The following CEP112 variants were observed in gnomAD, a reference collection of about 807,000 sequenced individuals.
The protein encoded by CEP112 is centrosomal protein 112.
A neutral mutation model predicts 153.0 loss-of-function variants in CEP112; 127 were observed. The observed-to-expected ratio is 0.83, with a 90% confidence interval of 0.72 to 0.96. The LOEUF (loss-of-function observed/expected upper bound fraction) is 0.96, where lower values mean the gene tolerates loss of function less well. CEP112 is among the 40% of genes least tolerant of loss of function. The pLI is 0.00. For synonymous variants in CEP112, 358 were observed against 374.4 expected, an observed-to-expected ratio of 0.96 and a Z score of 0.51; for missense variants, 1,089 against 1,101.2, an observed-to-expected ratio of 0.99 and a Z score of 0.16.
chr17:65,753,845 A>C (rs1300944793), intron 21 of CEP112, among the ~76,000 whole-genome samples: 2 of 152,146 alleles, frequency 1.3e-5, no homozygotes, highest in African/African-American at 4.8e-5. Context: ...AAAATGCTAG[A>C]GTCACGGATA....
At chr17:65,829,087 T>G (rs2056970568) in intron 21 of CEP112, among the ~76,000 whole-genome samples, 1 of 152,160 alleles carries the variant, frequency 6.6e-6, no homozygotes, top group Non-Finnish European at 1.5e-5. Flanking sequence ...AAATTACGCT[T>G]GGTAATATTT....
chr17:65,934,690 A>G, intron 18 of CEP112, among the ~76,000 whole-genome samples: 1 of 152,234 alleles, frequency 6.6e-6, no homozygotes. Context: ...GAAGGGATAG[A>G]AAAGATATTT....
chr17:65,920,404 T>TATATATAA (rs1411367503), intron 19 of CEP112, among the ~76,000 whole-genome samples: 2 of 111,370 alleles, frequency 1.8e-5, no homozygotes, highest in African/African-American at 3.6e-5. Context: ...TATATATATA[T>TATATATAA]AATTATAATA....
chr17:66,184,351 A>T (rs999379297), intron 1 of CEP112, among the ~76,000 whole-genome samples: 4 of 152,326 alleles, frequency 2.6e-5, no homozygotes, highest in Admixed American at 2.6e-4. Context: ...TAAGCCACAG[A>T]CCAGAACAAA....
At chr17:66,059,116 T>C (rs931446333) in intron 11 of CEP112, among the ~76,000 whole-genome samples, 1 of 152,006 alleles carries the variant, frequency 6.6e-6, no homozygotes, top group Non-Finnish European at 1.5e-5. Context: ...TGCAGAAGAA[T>C]GAAACTGGAT....
In CEP112 at chr17:66,080,357, G is replaced by A. The variant is rs188541836; in HGVS notation, c.769-10356C>T. ...CCCATCAAAAAGTGGGTGAAGGATA[G>A]AAACAGACACTTCTCAAAAGAAGAC... is the stretch of plus-strand genomic sequence containing the variant. On this transcript the variant is annotated intron_variant, in intron 8 of 26. Coordinates refer to ENST00000535342, the MANE Select transcript of CEP112 (RefSeq NM_001199165.4). Among the ~76,000 whole-genome samples, 988 of 152,190 alleles carry A rather than the reference G, an allele frequency of 6.5e-3. 12 individuals are homozygous for A. The highest frequency in any genetic ancestry group is 0.022 in the African/African-American group (916 of 41,542).
intron 16 of CEP112, among the ~76,000 whole-genome samples, chr17:66,023,283 C>T (rs2065073254): frequency 6.6e-6 from 1 of 151,984 alleles, no homozygotes. Flanking sequence ...TGTCTAAAGT[C>T]AACATGAAGA....
intron 8 of CEP112, among the ~76,000 whole-genome samples, chr17:66,086,380 CTTTTTTTTTTTTTTTTTTTTTTTTTTTT>C (rs71160531): frequency 4.5e-5 from 3 of 67,058 alleles, no homozygotes; most frequent in East Asian, 4.9e-4. Flanking sequence ...ATTTTCTTTT[CTTTTTTTTTTTTTTTTTTTTTTTTTTTT>C]TTTTTTTTTT....
At chr17:66,074,886 A>C (rs1473414928) in intron 8 of CEP112, among the ~76,000 whole-genome samples, 2 of 151,426 alleles carry the variant, frequency 1.3e-5, no homozygotes, top group Non-Finnish European at 2.9e-5. Context: ...AAAAAAAAAA[A>C]AAGAAAAATC....
At position 65,731,854 on chromosome 17, in the gene CEP112, G is replaced by A. The variant is rs186672490; in HGVS notation, c.2607+11214C>T. Among the ~76,000 whole-genome samples, 329 of 152,238 alleles carry A rather than the reference G, an allele frequency of 2.2e-3. 2 individuals are homozygous for A. The highest frequency in any genetic ancestry group is 7.7e-3 in the African/African-American group (321 of 41,548). ...TTTGGTCATGAGGTTGCAGCAATTC[G>A]GTCGCATCTTTAGGCTCCATTTCCA... On this transcript the variant is annotated intron_variant, in intron 23 of 26. Coordinates refer to ENST00000535342, the MANE Select transcript of CEP112 (RefSeq NM_001199165.4).
chr17:66,015,319 C>T (rs987511639), intron 16 of CEP112, among the ~76,000 whole-genome samples: 6 of 152,132 alleles, frequency 3.9e-5, no homozygotes, highest in African/African-American at 1.4e-4. Flanking sequence ...ATTGTGTACA[C>T]AATAAATATT....
At chr17:66,054,871 C>T (rs2066614065) in intron 11 of CEP112, among the ~76,000 whole-genome samples, 1 of 152,300 alleles carries the variant, frequency 6.6e-6, no homozygotes, top group Non-Finnish European at 1.5e-5. Context: ...ATTCTCCTGC[C>T]TCAGCCTCCC....
chr17:65,870,895 G>C (rs1298258422), intron 20 of CEP112, among the ~76,000 whole-genome samples: 1 of 152,146 alleles, frequency 6.6e-6, no homozygotes, highest in Non-Finnish European at 1.5e-5. Flanking sequence ...TCAAGTAATT[G>C]GAGAGAAGGT....
chr17:65,844,864 A>C (rs1290628861), intron 21 of CEP112, among the ~76,000 whole-genome samples: 4 of 151,916 alleles, frequency 2.6e-5, no homozygotes, highest in African/African-American at 9.7e-5. Flanking sequence ...AATACAAAAA[A>C]TTAGCCGGGC....
intron 17 of CEP112, among the ~76,000 whole-genome samples, chr17:65,977,605 T>A (rs982945467): frequency 1.3e-5 from 2 of 152,054 alleles, no homozygotes; most frequent in African/African-American, 2.4e-5. Flanking sequence ...TGGGCAGCAG[T>A]CAGAGCTGTG....
At chr17:66,003,501 A>C (rs1336989385) in intron 17 of CEP112, among the ~76,000 whole-genome samples, 1 of 152,226 alleles carries the variant, frequency 6.6e-6, no homozygotes, top group Non-Finnish European at 1.5e-5. Flanking sequence ...TCAAATGCCT[A>C]ACCTGGACTG....
At chr17:65,800,699 T>C (rs942497056) in intron 21 of CEP112, among the ~76,000 whole-genome samples, 3 of 152,216 alleles carry the variant, frequency 2.0e-5, no homozygotes, top group African/African-American at 7.2e-5. Flanking sequence ...TTTTCTAAAG[T>C]GGTTGGGCTG....
intron 19 of CEP112, among the ~76,000 whole-genome samples, chr17:65,902,842 G>A (rs1447928136): frequency 1.3e-5 from 2 of 152,102 alleles, no homozygotes; most frequent in Non-Finnish European, 2.9e-5. Flanking sequence ...CTCGTTGTCA[G>A]CTACGGTATA....
At chr17:66,027,875 T>A (rs1300869472) in intron 15 of CEP112, among the ~76,000 whole-genome samples, 1 of 151,916 alleles carries the variant, frequency 6.6e-6, no homozygotes, top group African/African-American at 2.4e-5. Flanking sequence ...AAATTTGAAG[T>A]TACATCATGT....
Sources: gnomAD v4.1 joint callset for allele counts (sites outside exome capture counted in the v4.1 genomes callset) on GRCh38, gnomAD v4.1.1 for gene constraint, MANE v1.5 for transcripts, NCBI Gene and HGNC (gene_info 2026-07-23, HGNC 2026-07-21) for gene names.